Variants in FBN1 observed in about 807,000 individuals in gnomAD.
The protein encoded by FBN1 is fibrillin 1.
A neutral mutation model predicts 365.1 loss-of-function variants in FBN1; 29 were observed. That is an observed-to-expected ratio of 0.08 (90% CI 0.06 to 0.11). FBN1 has a LOEUF of 0.11. Among genes scored for constraint, FBN1 ranks in the 10% least tolerant of loss-of-function variants. The probability of loss-of-function intolerance (pLI) is 1.00; values close to 1 mark genes in which losing one functional copy is unlikely to be tolerated. For synonymous variants in FBN1, 1,210 were observed against 1,270.5 expected (o/e 0.95, Z 1.01); for missense variants, 2,476 against 3,703.2 (o/e 0.67, Z 8.60).
intron 8 of FBN1, among the ~76,000 whole-genome samples, chr15:48,533,597 T>C (rs891608035): frequency 3.9e-5 from 6 of 152,094 alleles, no homozygotes; most frequent in African/African-American, 1.4e-4. Context: ...GCAATTACCA[T>C]CCCCCAGAAA....
intron 34 of FBN1, 115 bp from the exon 35 acceptor site, chr15:48,472,791 T>G: frequency 7.2e-7 from 1 of 1,392,560 alleles, no homozygotes; most frequent in Non-Finnish European, 1.0e-6. Context: ...TTTGACACAT[T>G]TAAAGTCATT....
chr15:48,589,251 C>T (rs1386961927), intron 6 of FBN1, among the ~76,000 whole-genome samples: 1 of 152,162 alleles, frequency 6.6e-6, no homozygotes, highest in African/African-American at 2.4e-5. Flanking sequence ...AAGTCCAAAA[C>T]AGACCAGATG....
intron 43 of FBN1, among the ~76,000 whole-genome samples, chr15:48,459,122 C>T (rs550751596): frequency 5.3e-5 from 8 of 152,304 alleles, no homozygotes; most frequent in East Asian, 1.9e-4. Flanking sequence ...TAGTGGACAA[C>T]GCTAATGTTC....
chr15:48,574,443 G>C (rs972089674), intron 6 of FBN1, among the ~76,000 whole-genome samples: 7 of 152,140 alleles, frequency 4.6e-5, no homozygotes, highest in Admixed American at 3.3e-4. Context: ...AAGGTCTGCT[G>C]CTTCCAGGTT....
At chr15:48,492,422 A>G (rs2043567743) in intron 24 of FBN1, 39 bp downstream of exon 24, 2 of 1,595,144 alleles carry the variant, frequency 1.3e-6, no homozygotes, top group Admixed American at 3.3e-5. Context: ...ATAATCGTTA[A>G]TAAATTATTA....
chr15:48,601,248 G>A (rs975498811), intron 4 of FBN1, among the ~76,000 whole-genome samples: 6 of 152,186 alleles, frequency 3.9e-5, no homozygotes, highest in South Asian at 2.1e-4. Context: ...TGACAACAGC[G>A]CAGGCAAGTG....
intron 4 of FBN1, among the ~76,000 whole-genome samples, chr15:48,605,865 A>G (rs1225680906): frequency 2.0e-5 from 3 of 152,126 alleles, no homozygotes; most frequent in Non-Finnish European, 4.4e-5. Context: ...ACAGAGTAAG[A>G]CCCCGTCTAA....
At chr15:48,618,183 G>T (rs1215312128) in intron 2 of FBN1, among the ~76,000 whole-genome samples, 2 of 152,020 alleles carry the variant, frequency 1.3e-5, no homozygotes, top group African/African-American at 2.4e-5. Context: ...CCCATGTAAT[G>T]TGTCCCATGT....
Position 48,468,224 on chromosome 15 carries a change from T to G in FBN1, c.4583-122A>C, listed in dbSNP as rs2043339219. ...TTACTTTTACTGAGAAACTAAAAAGTGCCCATGAACATTATACACTACCGA... is the reference window on the plus strand; with the variant it reads ...TTACTTTTACTGAGAAACTAAAAAGGGCCCATGAACATTATACACTACCGA... On this transcript the variant is annotated intron_variant, in intron 37 of 65. Coordinates refer to ENST00000316623, the MANE Select transcript of FBN1 (RefSeq NM_000138.5). The G allele has an allele frequency of 3.2e-5, 45 of 1,394,598 alleles. 3 individuals carry two copies. The South Asian group carries it at 5.4e-4, about 17-fold the overall frequency. 86.4% of individuals were successfully genotyped at this position (1,394,598 alleles called of 1,614,324 possible). A position where few individuals can be genotyped will look rare whatever the true frequency, so the allele number is the denominator to read the frequency against.
chr15:48,470,689 G>A lies in FBN1; in HGVS notation c.4404C>T (p.Phe1468=), dbSNP rs780479561. The A allele has an allele frequency of 6.2e-7, 1 of 1,614,024 alleles. No individual in the cohort carries two copies. Among genetic ancestry groups the A allele is most frequent in the Non-Finnish European group, 8.5e-7 (1 of 1,180,014 alleles). ...FGTCHNLPGL[F]RCECEIGYEL... ...CGTAGCCTATCTCACACTCACAGCGGAACAGGCCAGGGAGGTTGTGGCAAG... is the reference window on the plus strand; with the variant it reads ...CGTAGCCTATCTCACACTCACAGCGAAACAGGCCAGGGAGGTTGTGGCAAG... The change falls in exon 36 of 66, where the codon TTC becomes TTT. Residue 1468 remains phenylalanine (F), a synonymous_variant. Coordinates refer to ENST00000316623, the MANE Select transcript of FBN1 (RefSeq NM_000138.5).
At chr15:48,491,845 G>C (rs980618221) in intron 24 of FBN1, among the ~76,000 whole-genome samples, 1 of 152,222 alleles carries the variant, frequency 6.6e-6, no homozygotes, top group Admixed American at 6.5e-5. Flanking sequence ...AGATGCATGA[G>C]ATGTGCGATC....
rs1186249894 is a variant in FBN1 at position 48,430,725 on chromosome 15, T to C, written c.6817A>G (p.Met2273Val). 1 of 1,613,802 alleles carries C rather than the reference T, an allele frequency of 6.2e-7. No individual in the cohort carries two copies. The highest frequency in any genetic ancestry group is 2.2e-5 in the East Asian group (1 of 44,892). The part of the protein sequence containing the change: ...MECKNLIGTY[M>V]CICGPGYQRR... Reference sequence around the variant, plus strand: ...TGATACCCGGGTCCACAGATGCACATATATGTGCCAATGAGGTTCTTGCAT... The same window carrying C: ...TGATACCCGGGTCCACAGATGCACACATATGTGCCAATGAGGTTCTTGCAT... Residue 2273 changes from methionine (M) to valine (V), a missense_variant, in exon 56 of 66, where the codon ATG becomes GTG. Physicochemically the swap from Met to Val is conservative, Grantham distance 21. Coordinates refer to ENST00000316623, the MANE Select transcript of FBN1 (RefSeq NM_000138.5).
chr15:48,588,661 T>C (rs182512789), intron 6 of FBN1, among the ~76,000 whole-genome samples: 34 of 152,360 alleles, frequency 2.2e-4, no homozygotes, highest in African/African-American at 7.7e-4. Context: ...TCAAGTGTGA[T>C]ATTTTGATGC....
At chr15:48,639,247 A>C (rs151156766) in intron 2 of FBN1, among the ~76,000 whole-genome samples, 212 of 152,332 alleles carry the variant, frequency 1.4e-3, no homozygotes, top group African/African-American at 4.9e-3. Context: ...CTCGGCTCTC[A>C]CATCTGTGAA....
chr15:48,623,889 C>T (rs577791941), intron 2 of FBN1, among the ~76,000 whole-genome samples: 1 of 152,062 alleles, frequency 6.6e-6, no homozygotes, highest in South Asian at 2.1e-4. Flanking sequence ...ATGTCGTCCC[C>T]CTTCAAGGGC....
intron 2 of FBN1, among the ~76,000 whole-genome samples, chr15:48,625,984 A>T (rs547929109): frequency 6.6e-6 from 1 of 152,334 alleles, no homozygotes; most frequent in South Asian, 2.1e-4. Context: ...GTTAATGAGA[A>T]GTCTATCAGA....
intron 64 of FBN1, among the ~76,000 whole-genome samples, chr15:48,414,737 A>G (rs2042888475): frequency 6.6e-6 from 1 of 152,130 alleles, no homozygotes; most frequent in Admixed American, 6.5e-5. Flanking sequence ...TCTATTAAAA[A>G]TACAAAAAAT....
intron 4 of FBN1, 140 bp downstream of exon 4, chr15:48,610,588 T>C: frequency 2.9e-6 from 2 of 685,472 alleles, no homozygotes; most frequent in South Asian, 3.4e-5. Context: ...CCTTTCCAAG[T>C]ATTTTGGGCA....
In FBN1 at chr15:48,526,114, T is replaced by C. The variant is rs780202250; in HGVS notation, c.988+16A>G. On this transcript the variant is annotated intron_variant, in intron 9 of 65. Transcript: ENST00000316623. ...GACTTACACAAACCATGCATGCTGT[T>C]TGTCATTAAACCTACCTATGCATCT... is the stretch of plus-strand genomic sequence containing the variant. 1.9e-6 allele frequency: 3 copies of C among 1,613,920 alleles called. No homozygotes were observed. The highest frequency in any genetic ancestry group is 8.5e-7 in the Non-Finnish European group (1 of 1,179,886).
Sources: gnomAD v4.1 joint callset for allele counts (sites outside exome capture counted in the v4.1 genomes callset) on GRCh38, gnomAD v4.1.1 for gene constraint, MANE v1.5 for transcripts, NCBI Gene and HGNC (gene_info 2026-07-23, HGNC 2026-07-21) for gene names.